The following CSMD2 variants were observed in gnomAD, a reference collection of about 807,000 sequenced individuals.
CSMD2 encodes CUB and Sushi multiple domains 2, also known as CUB and sushi domain-containing protein 2.
In CSMD2, 130 loss-of-function variants were observed where a neutral mutation model predicts 398.5. The observed-to-expected ratio is 0.33, with a 90% CI of 0.28 to 0.38. The LOEUF is 0.38. Among genes scored for constraint, CSMD2 ranks in the 10% least tolerant of loss-of-function variants. CSMD2 has a pLI of 1.00. For missense variants in CSMD2, 3,829 were observed against 4,764.9 expected, an observed-to-expected ratio of 0.80 and a Z score of 5.78; for synonymous variants, 1,828 against 1,908.5, an observed-to-expected ratio of 0.96 and a Z score of 1.10.
intron 3 of CSMD2, among the ~76,000 whole-genome samples, chr1:33,987,867 C>T (rs1244451038): frequency 6.6e-6 from 1 of 152,176 alleles, no homozygotes; most frequent in African/African-American, 2.4e-5. Flanking sequence ...CATTCTTTCT[C>T]CCAGCCCCCA....
intron 2 of CSMD2, among the ~76,000 whole-genome samples, chr1:34,046,838 A>T (rs947713079): frequency 1.3e-5 from 2 of 152,192 alleles, no homozygotes; most frequent in African/African-American, 4.8e-5. Context: ...CGAGGGATTT[A>T]CCCTCAAACG....
intron 3 of CSMD2, among the ~76,000 whole-genome samples, chr1:34,012,411 G>A (rs1647476402): frequency 1.3e-5 from 2 of 151,922 alleles, no homozygotes; most frequent in South Asian, 4.2e-4. Flanking sequence ...ACATCAACAT[G>A]TACATACTAC....
At chr1:33,837,666 T>G (rs147529042) in intron 6 of CSMD2, among the ~76,000 whole-genome samples, 64 of 152,328 alleles carry the variant, frequency 4.2e-4, no homozygotes, top group Admixed American at 2.9e-3. Flanking sequence ...TGTAAACACA[T>G]GGATACAAAT....
intron 2 of CSMD2, among the ~76,000 whole-genome samples, chr1:34,041,548 G>A (rs1225325805): frequency 6.6e-6 from 1 of 152,220 alleles, no homozygotes; most frequent in African/African-American, 2.4e-5. Context: ...TTGTGCCCAT[G>A]TTTGAGAACT....
At chr1:33,875,830 T>A (rs1288445901) in intron 5 of CSMD2, among the ~76,000 whole-genome samples, 1 of 152,186 alleles carries the variant, frequency 6.6e-6, no homozygotes, top group Admixed American at 6.5e-5. Flanking sequence ...TGTTAAGTCA[T>A]CTTTGTATTT....
intron 56 of CSMD2, among the ~76,000 whole-genome samples, chr1:33,549,579 T>C (rs1396491110): frequency 2.6e-5 from 4 of 152,348 alleles, no homozygotes; most frequent in African/African-American, 7.2e-5. Context: ...CATCTGTCAG[T>C]GTCCTCATTA....
At chr1:33,714,459 C>A in intron 21 of CSMD2, 128 bp downstream of exon 21, 3 of 1,100,478 alleles carry the variant, frequency 2.7e-6, no homozygotes, top group South Asian at 1.5e-5. Context: ...GGTCCCACTG[C>A]AGGTAAGTGT....
intron 3 of CSMD2, among the ~76,000 whole-genome samples, chr1:33,967,968 G>A (rs1645621587): frequency 6.6e-6 from 1 of 152,148 alleles, no homozygotes; most frequent in Admixed American, 6.5e-5. Flanking sequence ...TCCCATCACT[G>A]CAGGAGTATT....
intron 12 of CSMD2, among the ~76,000 whole-genome samples, chr1:33,786,104 A>G (rs1653503593): frequency 6.6e-6 from 1 of 152,170 alleles, no homozygotes; most frequent in South Asian, 2.1e-4. Flanking sequence ...GTCTTAAATC[A>G]TGACTTGATA....
At chr1:33,571,410 A>G (rs983949519) in intron 51 of CSMD2, 122 bp downstream of exon 51, 5 of 636,736 alleles carry the variant, frequency 7.9e-6, no homozygotes, top group Non-Finnish European at 6.9e-6. Context: ...GAGTTTAAAA[A>G]GCAGTACACT....
intron 15 of CSMD2, among the ~76,000 whole-genome samples, chr1:33,736,487 A>G (rs890586199): frequency 6.6e-6 from 1 of 152,200 alleles, no homozygotes; most frequent in African/African-American, 2.4e-5. Flanking sequence ...TCAAAGAAAA[A>G]AAAAAAATAG....
intron 13 of CSMD2, among the ~76,000 whole-genome samples, chr1:33,762,207 T>C (rs1649904755): frequency 6.6e-6 from 1 of 152,174 alleles, no homozygotes; most frequent in African/African-American, 2.4e-5. Flanking sequence ...GGTTGGGGTA[T>C]TGATAGAACT....
chr1:33,608,932 C>T (rs572175762), intron 41 of CSMD2, among the ~76,000 whole-genome samples: 4 of 152,316 alleles, frequency 2.6e-5, no homozygotes, highest in South Asian at 4.1e-4. Context: ...TGGGGGAAGG[C>T]GTTGCATCTG....
intron 5 of CSMD2, chr1:33,870,588 CA>C (rs1189076783): frequency 6.6e-6 from 1 of 152,178 alleles, no homozygotes; most frequent in African/African-American, 2.4e-5. Context: ...GTCTCCCCTT[CA>C]ACGGTGAAAT....
chr1:33,818,405 AT>A (rs1162377353), intron 9 of CSMD2, among the ~76,000 whole-genome samples: 3 of 151,998 alleles, frequency 2.0e-5, no homozygotes, highest in African/African-American at 2.4e-5. Context: ...GCATGAGGAT[AT>A]TTTTTTTCTT....
intron 5 of CSMD2, among the ~76,000 whole-genome samples, chr1:33,868,510 G>A (rs934609257): frequency 1.3e-5 from 2 of 152,090 alleles, no homozygotes; most frequent in East Asian, 1.9e-4. Context: ...GGCCGAGGTG[G>A]GTGTTTCATG....
At chr1:33,534,900 A>G (rs980678775) in intron 62 of CSMD2, among the ~76,000 whole-genome samples, 1 of 152,228 alleles carries the variant, frequency 6.6e-6, no homozygotes, top group Admixed American at 6.5e-5. Context: ...ACAAGCGTTC[A>G]GGATCACTTC....
intron 53 of CSMD2, among the ~76,000 whole-genome samples, chr1:33,566,259 G>C (rs1221230708): frequency 6.6e-6 from 1 of 150,710 alleles, no homozygotes; most frequent in Non-Finnish European, 1.5e-5. Context: ...GCATGTCCTA[G>C]TAAAAATATT....
chr1:33,731,136 A>C (rs1355053923), intron 15 of CSMD2, among the ~76,000 whole-genome samples: 2 of 152,222 alleles, frequency 1.3e-5, no homozygotes, highest in African/African-American at 2.4e-5. Context: ...TTGGATTGTA[A>C]TGATATTTAA....
Sources: gnomAD v4.1 joint callset for allele counts (sites outside exome capture counted in the v4.1 genomes callset) on GRCh38, gnomAD v4.1.1 for gene constraint, MANE v1.5 for transcripts, NCBI Gene and HGNC (gene_info 2026-07-23, HGNC 2026-07-21) for gene names.